ASIP: variants seen among roughly 807,000 people sequenced by gnomAD.
ASIP encodes the protein agouti signaling protein.
ASIP carries 11 observed loss-of-function variants against 10.3 expected under a neutral mutation model. The ratio of observed to expected loss-of-function variants is 1.07; its 90% CI spans 0.68 to 1.78. ASIP has a LOEUF of 1.78. ASIP is among the 40% of genes most tolerant of loss of function. ASIP has a pLI of 0.00. For synonymous variants in ASIP, 70 were observed against 70.8 expected (o/e 0.99, Z 0.06); for missense variants, 180 against 169.2 (o/e 1.06, Z -0.35).
chr20:34,215,609 TG>T, intron 1 of ASIP: 1 of 1,490,420 alleles, frequency 6.7e-7, no homozygotes, highest in Non-Finnish European at 9.4e-7. Context: ...CTTCTCTGGT[TG>T]GGGATTCAGC....
At chr20:34,259,383 G>A (rs999672472) in intron 1 of ASIP, among the ~76,000 whole-genome samples, 11 of 151,756 alleles carry the variant, frequency 7.2e-5, no homozygotes, top group African/African-American at 2.7e-4. Flanking sequence ...TGTGGTGGTG[G>A]GCACCTGTAA....
At chr20:34,214,578 A>C in intron 1 of ASIP, 2 of 1,404,154 alleles carry the variant, frequency 1.4e-6, no homozygotes, top group Non-Finnish European at 2.0e-6. Context: ...TAGAACTAAA[A>C]ACTCTGCGAA....
At chr20:34,245,991 C>A (rs892317220) in intron 1 of ASIP, 2 of 1,234,192 alleles carry the variant, frequency 1.6e-6, no homozygotes, top group Admixed American at 3.6e-5. Context: ...ATGCTGTCAT[C>A]ATCTACTTCT....
intron 1 of ASIP, among the ~76,000 whole-genome samples, chr20:34,219,909 G>A (rs2035033847): frequency 6.6e-6 from 1 of 152,122 alleles, no homozygotes; most frequent in South Asian, 2.1e-4. Flanking sequence ...CTAACACGGT[G>A]AAACCCCGTC....
At chr20:34,255,564 T>A (rs1337147786) in intron 1 of ASIP, among the ~76,000 whole-genome samples, 1 of 152,156 alleles carries the variant, frequency 6.6e-6, no homozygotes. Context: ...AGAAATAGAT[T>A]ATAGATGTGA....
chr20:34,261,079 TTAAG>T (rs943605040), intron 2 of ASIP, among the ~76,000 whole-genome samples: 15 of 152,344 alleles, frequency 9.8e-5, no homozygotes, highest in Middle Eastern at 6.8e-3. Context: ...CTTAGGAGAA[TTAAG>T]TAACTAGCAC....
In ASIP at chr20:34,262,837, A is replaced by C. The variant is rs2035718419; in HGVS notation, c.166A>C (p.Asn56His). 1 of 1,613,916 alleles carries C rather than the reference A, an allele frequency of 6.2e-7. No homozygotes were observed. The highest frequency in any genetic ancestry group is 8.5e-7 in the Non-Finnish European group (1 of 1,179,932). Reference sequence around the variant, plus strand: ...CCTTTTGTCTCTCTTTGAAGCGCTGAACAAGAAATCCAAACAGATCGGCAG... The same window carrying C: ...CCTTTTGTCTCTCTTTGAAGCGCTGCACAAGAAATCCAAACAGATCGGCAG... ...DVPSVSIVAL[N>H]KKSKQIGRKA... Residue 56 changes from asparagine (N) to histidine (H), a missense_variant, in exon 3 of 4, where the codon AAC (asparagine) becomes CAC (histidine). Physicochemically the swap from Asn to His is moderately conservative, Grantham distance 68 (BLOSUM62 1). Transcript: ENST00000374954.
chr20:34,253,266 C>T (rs868086656), intron 1 of ASIP, among the ~76,000 whole-genome samples: 3 of 151,344 alleles, frequency 2.0e-5, no homozygotes, highest in Non-Finnish European at 4.4e-5. Context: ...CCACCACGCC[C>T]GCCTAATTTT....
chr20:34,193,676 A>G (rs2034837748), upstream of ASIP, among the ~76,000 whole-genome samples: 1 of 152,260 alleles, frequency 6.6e-6, no homozygotes, highest in Non-Finnish European at 1.5e-5. Context: ...AAATCCAACT[A>G]GAGACCTCTA....
intron 1 of ASIP, among the ~76,000 whole-genome samples, chr20:34,205,378 T>C (rs1601570900): frequency 1.3e-5 from 2 of 152,070 alleles, no homozygotes; most frequent in East Asian, 1.9e-4. Context: ...TTACAGCTCA[T>C]AGAGGCGGCG....
chr20:34,206,925 T>A (rs2034941049), intron 1 of ASIP, among the ~76,000 whole-genome samples: 1 of 152,226 alleles, frequency 6.6e-6, no homozygotes, highest in Non-Finnish European at 1.5e-5. Flanking sequence ...TAGGTTGATT[T>A]CATATCTTCG....
chr20:34,222,763 C>T (rs955079004), intron 1 of ASIP, among the ~76,000 whole-genome samples: 7 of 149,028 alleles, frequency 4.7e-5, no homozygotes, highest in Admixed American at 1.3e-4. Flanking sequence ...CTCAGCCTGC[C>T]GAGTGCCTGC....
chr20:34,242,759 C>T (rs1252684287), intron 1 of ASIP, among the ~76,000 whole-genome samples: 2 of 152,248 alleles, frequency 1.3e-5, no homozygotes, highest in African/African-American at 4.8e-5. Context: ...TTTCATCTCA[C>T]ATCAAAGCCT....
intron 1 of ASIP, among the ~76,000 whole-genome samples, chr20:34,198,273 AGAG>A (rs1453671319): frequency 6.6e-6 from 1 of 151,970 alleles, no homozygotes; most frequent in Non-Finnish European, 1.5e-5. Flanking sequence ...TATTTTTAGT[AGAG>A]ACGGGGTTTC....
chr20:34,191,322 C>T (rs2034823415), upstream of ASIP, among the ~76,000 whole-genome samples: 1 of 152,208 alleles, frequency 6.6e-6, no homozygotes, highest in South Asian at 2.1e-4. Context: ...CCCTGGCGCT[C>T]TTTGCCCAAA....
At chr20:34,255,533 T>C (rs1205006629) in intron 1 of ASIP, among the ~76,000 whole-genome samples, 1 of 152,168 alleles carries the variant, frequency 6.6e-6, no homozygotes, top group Non-Finnish European at 1.5e-5. Context: ...AGAAAATATA[T>C]AGAATAAGAA....
intron 1 of ASIP, among the ~76,000 whole-genome samples, chr20:34,253,297 G>A (rs146696424): frequency 0.012 from 1,807 of 151,086 alleles, 18 homozygotes; most frequent in African/African-American, 0.028. Flanking sequence ...TAGTAGAGAC[G>A]GGGTTTCACC....
intron 2 of ASIP, 114 bp from the exon 3 acceptor site, chr20:34,262,715 GCTT>G (rs1476549895): frequency 9.0e-7 from 1 of 1,114,594 alleles, no homozygotes; most frequent in Non-Finnish European, 1.4e-6. Flanking sequence ...CATCCAGCAC[GCTT>G]CTTCTCCTCT....
chr20:34,267,400 G>A (rs1046927488), intron 3 of ASIP, among the ~76,000 whole-genome samples: 3 of 148,774 alleles, frequency 2.0e-5, no homozygotes, highest in Non-Finnish European at 4.4e-5. Context: ...GGCCAGGCGC[G>A]GTGGCTCACA....
Sources: gnomAD v4.1 joint callset for allele counts (sites outside exome capture counted in the v4.1 genomes callset) on GRCh38, gnomAD v4.1.1 for gene constraint, MANE v1.5 for transcripts, NCBI Gene and HGNC (gene_info 2026-07-23, HGNC 2026-07-21) for gene names.